The following CPNE2 variants were observed in gnomAD, a reference collection of about 807,000 sequenced individuals.
The protein encoded by CPNE2 is copine 2, also known as copine-2.
CPNE2 carries 42 observed loss-of-function variants against 69.7 expected under a neutral mutation model. That is an observed-to-expected ratio of 0.60 (90% confidence interval 0.47 to 0.78). The LOEUF is 0.78. Ranked by LOEUF, CPNE2 falls within the 30% of genes least tolerant of loss-of-function variation. The pLI is 0.00. For missense variants in CPNE2, 587 were observed against 732.0 expected, an observed-to-expected ratio of 0.80 and a Z score of 2.29; for synonymous variants, 294 against 289.8, an observed-to-expected ratio of 1.01 and a Z score of -0.15.
chr16:57,129,811 C>G (rs1597501876), intron 12 of CPNE2, among the ~76,000 whole-genome samples: 1 of 151,638 alleles, frequency 6.6e-6, no homozygotes, highest in East Asian at 2.0e-4. Context: ...AGAGTGAGAC[C>G]CTGTTACAAA....
chr16:57,130,269 C>T lies in CPNE2; in HGVS notation c.1116+2366C>T, dbSNP rs10221018. 0.038 allele frequency among the ~76,000 whole-genome samples: 5,713 copies of T among 151,968 alleles called. 188 individuals are homozygous for T. Among genetic ancestry groups the T allele is most frequent in the African/African-American group, 0.088 (3,665 of 41,424 alleles). ...TGGCGGGAGTCTGTAATCCCAGCTA[C>T]TCGGGAGGCTGAGGCAGGAAGATCC... On this transcript the variant is annotated intron_variant, in intron 12 of 15. Coordinates refer to ENST00000290776, the MANE Select transcript of CPNE2 (RefSeq NM_152727.6). The surrounding 1 kb of genome is among the most constrained non-coding windows in gnomAD (Gnocchi z 4.1).
chr16:57,112,997 C>G (rs1175864815), intron 2 of CPNE2: 2 of 281,118 alleles, frequency 7.1e-6, no homozygotes, highest in African/African-American at 4.4e-5. Context: ...TACCCTGGCA[C>G]CTGGGTAGGG....
rs542636948 is a variant in CPNE2, at chr16:57,095,178, C to T, written c.-36+2388C>T. On this transcript the variant is annotated intron_variant, in intron 1 of 15. Coordinates refer to ENST00000290776, the MANE Select transcript of CPNE2 (RefSeq NM_152727.6). ...GGATCTCCCCCAACCCTGCCAGACA[C>T]GGTGGTGTGGGCTCTGTGGGAGCTG... Among the ~76,000 whole-genome samples, 52 of 152,328 alleles carry T rather than the reference C, an allele frequency of 3.4e-4. 1 individual carries two copies. The East Asian group carries it at 9.3e-3, about 27-fold the overall frequency.
chr16:57,114,820 G>A (rs554717366), intron 3 of CPNE2, among the ~76,000 whole-genome samples: 11 of 151,334 alleles, frequency 7.3e-5, no homozygotes, highest in South Asian at 2.1e-4. Context: ...AGAATTGGCC[G>A]GGCTCTATAG....
rs1372721568 is a variant in CPNE2 at position 57,123,446 on chromosome 16, C to T, written c.900C>T (p.Ile300=). ...GAGACTACTCCTTCCTTGACTACAT[C>T]CTGGGAGGCTGCCAGCTCATGTTCA... ...INRDYSFLDY[I]LGGCQLMFTV... The change falls in exon 10 of 16, where the codon ATC becomes ATT. Residue 300 remains isoleucine, a synonymous_variant. Coordinates refer to ENST00000290776, the MANE Select transcript of CPNE2 (RefSeq NM_152727.6). The T allele has an allele frequency of 1.2e-6, 2 of 1,613,304 alleles. No individual in the cohort carries two copies. The highest frequency in any genetic ancestry group is 8.5e-7 in the Non-Finnish European group (1 of 1,180,024).
chr16:57,118,311 G>C (rs8057954), intron 5 of CPNE2, among the ~76,000 whole-genome samples: 2 of 148,472 alleles, frequency 1.3e-5, no homozygotes, highest in East Asian at 2.0e-4. Context: ...GACTACAGGC[G>C]CCTGCCACCA....
Position 57,123,326 on chromosome 16 carries a change from C to T in CPNE2, c.868-88C>T, listed in dbSNP as rs908539453. The T allele has an allele frequency of 4.6e-5, 62 of 1,354,542 alleles. No homozygotes were observed. In the Middle Eastern group the frequency reaches 8.9e-4, roughly 19 times the overall value. 83.9% of individuals were successfully genotyped at this position (1,354,542 alleles called of 1,614,324 possible). ...GCTTTTTTTGACCTCCTTGTCCCTA[C>T]TGAGGTTGCAGGACATAGAGCAACA... On this transcript the variant is annotated intron_variant, in intron 9 of 15. Transcript: ENST00000290776.
intron 11 of CPNE2, 25 bp from the exon 12 acceptor site, chr16:57,127,824 G>A (rs367628398): frequency 1.6e-5 from 26 of 1,611,814 alleles, no homozygotes; most frequent in African/African-American, 2.7e-5. Context: ...GTCTTACAGT[G>A]TGTTTCTCTT....
chr16:57,129,684 T>C (rs2069824348), intron 12 of CPNE2, among the ~76,000 whole-genome samples: 1 of 152,164 alleles, frequency 6.6e-6, no homozygotes, highest in Non-Finnish European at 1.5e-5. Flanking sequence ...CCCAGCGTGG[T>C]GGCACATGCC....
At chr16:57,123,290 C>A in intron 9 of CPNE2, 124 bp from the exon 10 acceptor site, 1 of 907,684 alleles carries the variant, frequency 1.1e-6, no homozygotes, top group Admixed American at 1.8e-5. Context: ...GTAATTAGAT[C>A]AGGCCCATCA....
At chr16:57,139,038 A>G (rs187781791) in intron 14 of CPNE2, among the ~76,000 whole-genome samples, 7 of 152,340 alleles carry the variant, frequency 4.6e-5, no homozygotes, top group South Asian at 2.1e-4. Context: ...GGGAACTGCA[A>G]TGGAGAAAGA....
At chr16:57,109,524 TAGAC>T (rs1264986204) in intron 1 of CPNE2, among the ~76,000 whole-genome samples, 1 of 151,482 alleles carries the variant, frequency 6.6e-6, no homozygotes, top group Admixed American at 6.6e-5. Flanking sequence ...GGCTACTCCA[TAGAC>T]AGAGTAGCCC....
intron 1 of CPNE2, among the ~76,000 whole-genome samples, chr16:57,107,683 TA>T (rs2069656320): frequency 1.3e-5 from 2 of 152,166 alleles, no homozygotes; most frequent in African/African-American, 4.8e-5. Context: ...AGTAAGCTTT[TA>T]AAAACGCAAA....
At chr16:57,133,228 G>A (rs753693681) in intron 12 of CPNE2, among the ~76,000 whole-genome samples, 1 of 152,148 alleles carries the variant, frequency 6.6e-6, no homozygotes, top group African/African-American at 2.4e-5. Context: ...CCTGGACAGG[G>A]ACAGGACCCA....
At position 57,147,484 on chromosome 16, in the gene CPNE2, G is replaced by A. The variant is rs114800590; in HGVS notation, c.1540-67G>A. 1,086 of 1,203,828 alleles carry A rather than the reference G, an allele frequency of 9.0e-4. 8 individuals carry two copies. In the African/African-American group the frequency reaches 0.013, roughly 15 times the overall value. The allele number at this position is 1,203,828 out of a possible 1,614,324, so 74.6% of individuals were successfully genotyped here. A position where few individuals can be genotyped will look rare whatever the true frequency, so the allele number is the denominator to read the frequency against. On this transcript the variant is annotated intron_variant, in intron 15 of 15. Coordinates refer to ENST00000290776, the MANE Select transcript of CPNE2 (RefSeq NM_152727.6). ...GTAGCAGCCCTCTGGGCATAGTGCC[G>A]CTCACAACTTCCGGTCATTAATCCT...
intron 13 of CPNE2, among the ~76,000 whole-genome samples, chr16:57,135,917 AAG>A (rs1438125945): frequency 2.7e-5 from 4 of 148,104 alleles, no homozygotes; most frequent in African/African-American, 5.0e-5. Flanking sequence ...AAAGAAAGGA[AAG>A]AGAGAGACAG....
intron 2 of CPNE2, 124 bp downstream of exon 2, chr16:57,111,046 G>A: frequency 1.6e-6 from 1 of 613,588 alleles, no homozygotes; most frequent in Non-Finnish European, 2.5e-6. Context: ...CTGGTGGCAG[G>A]GGATTACTTG....
intron 1 of CPNE2, among the ~76,000 whole-genome samples, chr16:57,107,394 G>T (rs542859142): frequency 1.9e-3 from 290 of 152,298 alleles, no homozygotes; most frequent in African/African-American, 6.6e-3. Flanking sequence ...AGGCATGTCC[G>T]GGGAACACTG....
At chr16:57,103,476 G>A (rs760625816) in intron 1 of CPNE2, among the ~76,000 whole-genome samples, 4 of 152,096 alleles carry the variant, frequency 2.6e-5, no homozygotes, top group East Asian at 1.9e-4. Flanking sequence ...GACAGCACAC[G>A]GTGCCCTTGC....
Sources: gnomAD v4.1 joint callset for allele counts (sites outside exome capture counted in the v4.1 genomes callset) on GRCh38, gnomAD v4.1.1 for gene constraint, Gnocchi (gnomAD v3.1) non-coding constraint, MANE v1.5 for transcripts, NCBI Gene and HGNC (gene_info 2026-07-23, HGNC 2026-07-21) for gene names.